Variants in TMEM132D observed in about 807,000 individuals in gnomAD.
TMEM132D encodes mature OL transmembrane protein.
A neutral mutation model predicts 62.3 loss-of-function variants in TMEM132D; 21 were observed. The ratio of observed to expected loss-of-function variants is 0.34; its 90% CI spans 0.24 to 0.49. TMEM132D has a LOEUF of 0.49. TMEM132D is among the 20% of genes least tolerant of loss of function. The pLI is 0.99. For synonymous variants in TMEM132D, 621 were observed against 575.6 expected (o/e 1.08, Z -1.13); for missense variants, 1,346 against 1,402.8 (o/e 0.96, Z 0.65).
chr12:129,672,444 C>A (rs1008687316), intron 2 of TMEM132D, among the ~76,000 whole-genome samples: 1 of 152,148 alleles, frequency 6.6e-6, no homozygotes, highest in African/African-American at 2.4e-5. Context: ...TACATTTATC[C>A]TGTTAAGCAT....
At chr12:129,665,927 G>A (rs1175899524) in intron 2 of TMEM132D, among the ~76,000 whole-genome samples, 1 of 151,922 alleles carries the variant, frequency 6.6e-6, no homozygotes, top group Non-Finnish European at 1.5e-5. Context: ...GTTTACAATT[G>A]GGAAGCCCTG....
intron 2 of TMEM132D, among the ~76,000 whole-genome samples, chr12:129,612,410 G>C (rs1303185402): frequency 6.6e-6 from 1 of 151,984 alleles, no homozygotes; most frequent in Non-Finnish European, 1.5e-5. Flanking sequence ...TGGACGCTTG[G>C]GGGACCAAGA....
chr12:129,449,964 T>C, intron 3 of TMEM132D, among the ~76,000 whole-genome samples: 1 of 151,192 alleles, frequency 6.6e-6, no homozygotes, highest in Non-Finnish European at 1.5e-5. Context: ...TGCATTTCTC[T>C]AATGATCAGT....
chr12:129,583,076 G>A (rs1423805680), intron 2 of TMEM132D, among the ~76,000 whole-genome samples: 2 of 152,206 alleles, frequency 1.3e-5, no homozygotes, highest in Non-Finnish European at 2.9e-5. Context: ...CCAAAGTGCT[G>A]GGATTACAGG....
At position 129,099,810 on chromosome 12, in the gene TMEM132D, T is replaced by A. The variant is rs955025512; in HGVS notation, c.1444-15108A>T. Among the ~76,000 whole-genome samples the A allele has an allele frequency of 2.5e-4, 36 of 142,972 alleles. 2 individuals carry two copies. The highest frequency in any genetic ancestry group is 1.7e-3 in the Admixed American group (25 of 15,110). The allele number at this position is 142,972 out of a possible 152,430, so 93.8% of individuals were successfully genotyped here. A position where few individuals can be genotyped will look rare whatever the true frequency, so the allele number is the denominator to read the frequency against. On this transcript the variant is annotated intron_variant, in intron 5 of 8. Transcript: ENST00000422113. ...AGTGGGAGCGAAACCCACTTTATTT[T>A]TTTTTATTTTTTTTATTTTTATTTT...
chr12:129,545,181 C>T (rs1262461565), intron 2 of TMEM132D, among the ~76,000 whole-genome samples: 1 of 152,138 alleles, frequency 6.6e-6, no homozygotes, highest in African/African-American at 2.4e-5. Context: ...CCTGACTTGA[C>T]TTGGGAGAGT....
At chr12:129,555,741 A>G (rs1190261226) in intron 2 of TMEM132D, among the ~76,000 whole-genome samples, 6 of 152,234 alleles carry the variant, frequency 3.9e-5, no homozygotes, top group Non-Finnish European at 8.8e-5. Flanking sequence ...AAAACAAAAA[A>G]TAAAAATAAA....
chr12:129,762,363 A>G lies in TMEM132D; in HGVS notation c.80-61665T>C, dbSNP rs138240116. 9.1e-3 allele frequency among the ~76,000 whole-genome samples: 1,380 copies of G among 152,164 alleles called. 19 individuals are homozygous for G. The highest frequency in any genetic ancestry group is 0.031 in the African/African-American group (1,306 of 41,498). ...GGGCAGATTGAATTTTTTAAAAAAA[A>G]TCAACTGATACTTTTCCAAAAAGAT... On this transcript the variant is annotated intron_variant, in intron 1 of 8. Coordinates refer to ENST00000422113, the MANE Select transcript of TMEM132D (RefSeq NM_133448.3).
chr12:129,136,568 C>T (rs536889454), intron 5 of TMEM132D, among the ~76,000 whole-genome samples: 9 of 152,378 alleles, frequency 5.9e-5, no homozygotes, highest in Non-Finnish European at 1.0e-4. Context: ...TTTAACAACA[C>T]TATTTGAAAG....
chr12:129,395,120 G>A (rs976355171), intron 3 of TMEM132D, among the ~76,000 whole-genome samples: 4 of 152,112 alleles, frequency 2.6e-5, no homozygotes, highest in African/African-American at 9.7e-5. Context: ...CAAATATAAT[G>A]GGAGACACAA....
At chr12:129,636,746 G>GAGAGAC (rs1452944918) in intron 2 of TMEM132D, among the ~76,000 whole-genome samples, 1 of 150,936 alleles carries the variant, frequency 6.6e-6, no homozygotes, top group African/African-American at 2.4e-5. Flanking sequence ...GTGAGAGAGA[G>GAGAGAC]AGAGAGAGAG....
chr12:129,151,146 A>T (rs1166785226), intron 5 of TMEM132D, among the ~76,000 whole-genome samples: 2 of 152,152 alleles, frequency 1.3e-5, no homozygotes, highest in Non-Finnish European at 2.9e-5. Context: ...AAGACTATCG[A>T]AGCCTTTGTC....
chr12:129,077,144 G>A (rs1436257947), intron 8 of TMEM132D, among the ~76,000 whole-genome samples: 2 of 152,322 alleles, frequency 1.3e-5, no homozygotes, highest in Non-Finnish European at 2.9e-5. Context: ...AAATGGGAAG[G>A]CTCTTTGTGC....
At chr12:129,853,772 C>T (rs556898449) in intron 1 of TMEM132D, 1 of 152,232 alleles carries the variant, frequency 6.6e-6, no homozygotes, top group South Asian at 2.1e-4. Context: ...ACTCAGTTTC[C>T]GTAGGAGTTG....
chr12:129,619,536 C>T (rs867828585), intron 2 of TMEM132D, among the ~76,000 whole-genome samples: 8 of 152,324 alleles, frequency 5.3e-5, no homozygotes, highest in Middle Eastern at 3.4e-3. Context: ...TCATTTGTCT[C>T]GGGTTATCCA....
intron 2 of TMEM132D, among the ~76,000 whole-genome samples, chr12:129,688,594 C>A (rs1880986113): frequency 6.6e-6 from 1 of 152,044 alleles, no homozygotes; most frequent in Non-Finnish European, 1.5e-5. Flanking sequence ...AGCCAAAGAA[C>A]CTAGTCTCTG....
chr12:129,646,226 G>A (rs984486898), intron 2 of TMEM132D, among the ~76,000 whole-genome samples: 3 of 152,186 alleles, frequency 2.0e-5, no homozygotes, highest in Admixed American at 6.5e-5. Context: ...CTGCCCCAGA[G>A]TTCACAAAAG....
chr12:129,605,192 A>C (rs1878583181), intron 2 of TMEM132D, among the ~76,000 whole-genome samples: 1 of 152,086 alleles, frequency 6.6e-6, no homozygotes, highest in East Asian at 1.9e-4. Context: ...CCTGTGTGAC[A>C]CCCAAAAACC....
chr12:129,648,096 A>G (rs1879832720), intron 2 of TMEM132D, among the ~76,000 whole-genome samples: 1 of 152,150 alleles, frequency 6.6e-6, no homozygotes, highest in Non-Finnish European at 1.5e-5. Context: ...ACGGCTCAGG[A>G]GTCCTGCAGC....
Sources: gnomAD v4.1 joint callset for allele counts (sites outside exome capture counted in the v4.1 genomes callset) on GRCh38, gnomAD v4.1.1 for gene constraint, MANE v1.5 for transcripts, NCBI Gene and HGNC (gene_info 2026-07-23, HGNC 2026-07-21) for gene names.